The following ARHGAP26 variants were observed in gnomAD, a reference collection of about 807,000 sequenced individuals.
The protein encoded by ARHGAP26 is Rho GTPase activating protein 26.
ARHGAP26 carries 38 observed loss-of-function variants against 104.8 expected under a neutral mutation model. That is an observed-to-expected ratio of 0.36 (90% confidence interval 0.28 to 0.48). The LOEUF is 0.48. Ranked by LOEUF, ARHGAP26 falls within the 20% of genes least tolerant of loss-of-function variation. The probability of loss-of-function intolerance (pLI) is 0.99; values close to 1 mark genes in which losing one functional copy is unlikely to be tolerated. For missense variants in ARHGAP26, 704 were observed against 947.9 expected (o/e 0.74, Z 3.38); for synonymous variants, 341 against 340.0 (o/e 1.00, Z -0.03).
At chr5:143,135,960 C>T (rs1025870162) in intron 19 of ARHGAP26, among the ~76,000 whole-genome samples, 4 of 152,220 alleles carry the variant, frequency 2.6e-5, no homozygotes, top group South Asian at 2.1e-4. Context: ...GCCTCACTCA[C>T]ACCTGCTGAA....
At chr5:142,833,097 C>A (rs995112256) in intron 1 of ARHGAP26, among the ~76,000 whole-genome samples, 4 of 151,696 alleles carry the variant, frequency 2.6e-5, no homozygotes, top group Admixed American at 2.6e-4. Context: ...CTTTTGTTGC[C>A]CAGGCTGGAA....
At chr5:143,131,632 T>G (rs1228621855) in intron 18 of ARHGAP26, among the ~76,000 whole-genome samples, 1 of 152,198 alleles carries the variant, frequency 6.6e-6, no homozygotes, top group African/African-American at 2.4e-5. Flanking sequence ...GCCTGGAGAT[T>G]AGCCAAATGA....
intron 1 of ARHGAP26, among the ~76,000 whole-genome samples, chr5:142,848,224 A>G (rs1772406586): frequency 6.6e-6 from 1 of 152,190 alleles, no homozygotes; most frequent in African/African-American, 2.4e-5. Flanking sequence ...TTAAACTGTA[A>G]GTTGCTCTAG....
intron 22 of ARHGAP26, among the ~76,000 whole-genome samples, chr5:143,221,003 A>G (rs1188848045): frequency 2.0e-5 from 3 of 152,250 alleles, no homozygotes; most frequent in African/African-American, 2.4e-5. Flanking sequence ...GGGAAAATCT[A>G]TTCTCTCCAA....
chr5:143,166,224 G>A (rs1801927588), intron 20 of ARHGAP26: 1 of 552,068 alleles, frequency 1.8e-6, no homozygotes, highest in African/African-American at 2.1e-5. Flanking sequence ...AGCTCTCTGA[G>A]TAGCCGGAAG....
At chr5:143,086,165 G>GT (rs1165543089) in intron 17 of ARHGAP26, among the ~76,000 whole-genome samples, 1 of 152,140 alleles carries the variant, frequency 6.6e-6, no homozygotes, top group Non-Finnish European at 1.5e-5. Context: ...TTGGAAGAAT[G>GT]TTTTTCTCTC....
intron 17 of ARHGAP26, among the ~76,000 whole-genome samples, chr5:143,084,916 G>T (rs371076377): frequency 6.6e-6 from 1 of 151,922 alleles, no homozygotes; most frequent in East Asian, 1.9e-4. Context: ...GTGGTGGCGC[G>T]TGCCTGTAAT....
At chr5:142,894,192 T>G in intron 5 of ARHGAP26, 46 bp from the exon 6 acceptor site, 1 of 1,543,160 alleles carries the variant, frequency 6.5e-7, no homozygotes, top group Non-Finnish European at 8.9e-7. Flanking sequence ...AATGCTATCC[T>G]TGGGTAGTGA....
At chr5:142,971,928 T>C (rs1245484365) in intron 11 of ARHGAP26, among the ~76,000 whole-genome samples, 2 of 152,138 alleles carry the variant, frequency 1.3e-5, no homozygotes, top group Non-Finnish European at 2.9e-5. Context: ...ACGCCTATAA[T>C]CCCAGCATTT....
At chr5:142,970,049 A>G (rs1012490097) in intron 11 of ARHGAP26, among the ~76,000 whole-genome samples, 2 of 152,224 alleles carry the variant, frequency 1.3e-5, no homozygotes, top group Non-Finnish European at 2.9e-5. Context: ...TAAACAGCCC[A>G]CACCAGGGAC....
At position 142,910,035 on chromosome 5, in the gene ARHGAP26, T is replaced by A. The variant is rs142976820; in HGVS notation, c.933+2231T>A. ...GAAGAGGTTTATGTGAATTAGTATA[T>A]AAAAATTTTTTGGAACAAATCCTGA... On this transcript the variant is annotated intron_variant, in intron 9 of 22. Coordinates refer to ENST00000645722, the MANE Select transcript of ARHGAP26 (RefSeq NM_001135608.3). Among the ~76,000 whole-genome samples the A allele has an allele frequency of 1.2e-3, 189 of 152,350 alleles. 1 individual carries two copies. The highest frequency in any genetic ancestry group is 4.2e-3 in the African/African-American group (174 of 41,578).
intron 17 of ARHGAP26, among the ~76,000 whole-genome samples, chr5:143,060,610 C>T (rs1786559710): frequency 6.6e-6 from 1 of 151,594 alleles, no homozygotes; most frequent in African/African-American, 2.4e-5. Context: ...CTTAAATCTA[C>T]TATGATAATT....
At chr5:142,790,523 C>T (rs1759580011) in intron 1 of ARHGAP26, among the ~76,000 whole-genome samples, 1 of 152,114 alleles carries the variant, frequency 6.6e-6, no homozygotes, top group African/African-American at 2.4e-5. Flanking sequence ...AAACCTTATT[C>T]CACTCTTTCT....
intron 11 of ARHGAP26, among the ~76,000 whole-genome samples, chr5:142,951,062 CT>C (rs1768313159): frequency 6.8e-6 from 1 of 147,396 alleles, no homozygotes; most frequent in Non-Finnish European, 1.5e-5. Flanking sequence ...CCCCTTCCCC[CT>C]CCCCTTCCCT....
intron 20 of ARHGAP26, among the ~76,000 whole-genome samples, chr5:143,161,475 T>A (rs542152871): frequency 6.6e-6 from 1 of 152,334 alleles, no homozygotes; most frequent in Non-Finnish European, 1.5e-5. Context: ...CACCTGATCT[T>A]CATCTGTCAT....
At chr5:142,832,174 G>A (rs1768573367) in intron 1 of ARHGAP26, among the ~76,000 whole-genome samples, 1 of 152,158 alleles carries the variant, frequency 6.6e-6, no homozygotes. Context: ...TGAGTGAAGT[G>A]TTATCTGTTT....
intron 17 of ARHGAP26, among the ~76,000 whole-genome samples, chr5:143,116,001 C>CAAA (rs56345019): frequency 7.3e-6 from 1 of 137,462 alleles, no homozygotes; most frequent in East Asian, 2.2e-4. Context: ...AAAATAGAAT[C>CAAA]GACAGGATAA....
intron 11 of ARHGAP26, among the ~76,000 whole-genome samples, chr5:142,989,422 T>C (rs12514539): frequency 0.56 from 85,330 of 152,030 alleles, 27,905 homozygotes; most frequent in Non-Finnish European, 0.74. Context: ...GTCTTGACTC[T>C]TTATCCAGTT....
At chr5:143,103,570 TA>T (rs60048104) in intron 17 of ARHGAP26, among the ~76,000 whole-genome samples, 127,543 of 150,484 alleles carry the variant, frequency 0.85, 54,799 homozygotes, top group Non-Finnish European at 0.92. Context: ...TTAGACTGGA[TA>T]AAAAAAAAAA....
Sources: gnomAD v4.1 joint callset for allele counts (sites outside exome capture counted in the v4.1 genomes callset) on GRCh38, gnomAD v4.1.1 for gene constraint, MANE v1.5 for transcripts, NCBI Gene and HGNC (gene_info 2026-07-23, HGNC 2026-07-21) for gene names.